Variants in KCNH7 observed in about 807,000 individuals in gnomAD.
KCNH7 encodes voltage-gated inwardly rectifying potassium channel KCNH7.
KCNH7 carries 49 observed loss-of-function variants against 120.8 expected under a neutral mutation model. The observed-to-expected ratio is 0.41, with a 90% CI of 0.32 to 0.51. The LOEUF (loss-of-function observed/expected upper bound fraction) is 0.51, where lower values mean the gene tolerates loss of function less well. Ranked by LOEUF, KCNH7 falls within the 20% of genes least tolerant of loss-of-function variation. The pLI is 0.38. For synonymous variants in KCNH7, 547 were observed against 516.1 expected, an observed-to-expected ratio of 1.06 and a Z score of -0.81; for missense variants, 1,097 against 1,446.6, an observed-to-expected ratio of 0.76 and a Z score of 3.92.
chr2:162,378,022 C>T (rs1407809084), intron 14 of KCNH7, among the ~76,000 whole-genome samples: 1 of 152,090 alleles, frequency 6.6e-6, no homozygotes, highest in African/African-American at 2.4e-5. Context: ...ACAGAGCAAC[C>T]AGGTGATGCT....
At chr2:162,728,505 G>A (rs1023762066) in intron 2 of KCNH7, among the ~76,000 whole-genome samples, 13 of 152,098 alleles carry the variant, frequency 8.5e-5, no homozygotes, top group East Asian at 1.9e-4. Context: ...GAGGCCAGGC[G>A]CGGTGGCTCA....
At chr2:162,785,431 G>A (rs1385374426) in intron 2 of KCNH7, among the ~76,000 whole-genome samples, 1 of 152,122 alleles carries the variant, frequency 6.6e-6, no homozygotes, top group Non-Finnish European at 1.5e-5. Flanking sequence ...TTCTTGCTAA[G>A]TATTAGTGTT....
intron 2 of KCNH7, among the ~76,000 whole-genome samples, chr2:162,776,627 G>A (rs1376176102): frequency 6.6e-6 from 1 of 152,112 alleles, no homozygotes; most frequent in Non-Finnish European, 1.5e-5. Context: ...TTCAGATCAT[G>A]TAGTCTCTAA....
chr2:162,530,619 G>T (rs1691889219), intron 3 of KCNH7, among the ~76,000 whole-genome samples: 1 of 151,990 alleles, frequency 6.6e-6, no homozygotes, highest in Non-Finnish European at 1.5e-5. Context: ...CATTTCAAGT[G>T]ATACAAAAGC....
At chr2:162,792,684 CTTT>C (rs1247267665) in intron 2 of KCNH7, among the ~76,000 whole-genome samples, 12 of 138,446 alleles carry the variant, frequency 8.7e-5, no homozygotes, top group Middle Eastern at 4.2e-3. Flanking sequence ...CTCTTTTCTT[CTTT>C]ATTAGTCTAA....
chr2:162,838,501 C>T lies in KCNH7; in HGVS notation c.18G>A (p.Gly6=), dbSNP rs1685739364. The change falls in exon 1 of 16, where the codon GGG becomes GGA. Residue 6 remains glycine, a synonymous_variant. Transcript: ENST00000332142. MPVRR[G]HVAPQNTFLG... The stretch of plus-strand genomic sequence containing the variant: ...GAAATGTATTTTGTGGTGCCACATG[C>T]CCCCTGCGCACAGGCATGTTGGCCC... The T allele has an allele frequency of 1.9e-6, 3 of 1,613,004 alleles. No individual in the cohort carries two copies. Among genetic ancestry groups the T allele is most frequent in the East Asian group, 2.2e-5 (1 of 44,856 alleles).
At chr2:162,797,218 A>G (rs966058697) in intron 2 of KCNH7, 6 of 152,072 alleles carry the variant, frequency 3.9e-5, no homozygotes, top group African/African-American at 1.2e-4. Flanking sequence ...TCTTCTCAAC[A>G]TGATGCTCTG....
At chr2:162,668,202 C>G (rs974930950) in intron 2 of KCNH7, among the ~76,000 whole-genome samples, 1 of 152,146 alleles carries the variant, frequency 6.6e-6, no homozygotes, top group Non-Finnish European at 1.5e-5. Context: ...TAACTATTAT[C>G]TGAACTTGAC....
At chr2:162,829,878 C>T (rs1258853314) in intron 2 of KCNH7, among the ~76,000 whole-genome samples, 3 of 143,184 alleles carry the variant, frequency 2.1e-5, no homozygotes, top group African/African-American at 7.6e-5. Context: ...CTGCATGGTA[C>T]CATTTTTCAT....
At chr2:162,671,213 C>T (rs1685340823) in intron 2 of KCNH7, among the ~76,000 whole-genome samples, 1 of 151,954 alleles carries the variant, frequency 6.6e-6, no homozygotes. Flanking sequence ...GGATATCTAT[C>T]CAAAAGGAAA....
chr2:162,374,177 G>T (rs1686076351), intron 14 of KCNH7, among the ~76,000 whole-genome samples: 1 of 151,926 alleles, frequency 6.6e-6, no homozygotes, highest in African/African-American at 2.4e-5. Flanking sequence ...ATTATTCATT[G>T]TATTCTTTCT....
intron 6 of KCNH7, among the ~76,000 whole-genome samples, chr2:162,463,785 TAA>T (rs66479312): frequency 8.1e-6 from 1 of 123,702 alleles, no homozygotes; most frequent in African/African-American, 2.8e-5. Context: ...GTTCAAATAA[TAA>T]AAAAAAACAA....
rs1490796149 is a variant in KCNH7, at chr2:162,436,316, A to G, written c.1555-719T>C. Among the ~76,000 whole-genome samples the G allele has an allele frequency of 1.3e-5, 2 of 152,140 alleles. 1 individual carries two copies. The highest frequency in any genetic ancestry group is 2.9e-5 in the Non-Finnish European group (2 of 68,024). ...CACTTATTGGATGATTGCATGCATG[A>G]ATTAGGCACTACATTTAAATGCATT... On this transcript the variant is annotated intron_variant, in intron 7 of 15. Coordinates refer to ENST00000332142, the MANE Select transcript of KCNH7 (RefSeq NM_033272.4).
intron 2 of KCNH7, among the ~76,000 whole-genome samples, chr2:162,697,765 C>T (rs1045678270): frequency 1.3e-5 from 2 of 151,940 alleles, no homozygotes; most frequent in African/African-American, 2.4e-5. Flanking sequence ...ATAATAATAA[C>T]AATCAGATTA....
Position 162,371,650 on chromosome 2 carries a change from A to G in KCNH7, c.*179T>C. The G allele has an allele frequency of 1.3e-6, 1 of 779,800 alleles. No individual in the cohort carries two copies. Among genetic ancestry groups the G allele is most frequent in the Non-Finnish European group, 1.9e-6 (1 of 517,578 alleles). The allele number at this position is 779,800 out of a possible 1,614,324, so 48.3% of individuals were successfully genotyped here. On this transcript the variant is annotated 3_prime_UTR_variant, in exon 16 of 16. Transcript: ENST00000332142. ...TTTGGAACCAAAAGTTCTTATGTAT[A>G]TTTACATCCTAACTGCTCAGTTTTA...
At chr2:162,838,312 T>C (rs1685731909) in intron 1 of KCNH7, 131 bp downstream of exon 1, 3 of 681,352 alleles carry the variant, frequency 4.4e-6, no homozygotes, top group Middle Eastern at 3.5e-4. Context: ...TCGAACCTCC[T>C]GGCTCGGTTT....
intron 2 of KCNH7, among the ~76,000 whole-genome samples, chr2:162,759,624 A>G (rs1462393490): frequency 6.6e-6 from 1 of 151,928 alleles, no homozygotes; most frequent in African/African-American, 2.4e-5. Flanking sequence ...AGGTGTGATT[A>G]GATTGAGGAC....
At position 162,838,498 on chromosome 2, in the gene KCNH7, A is replaced by G. The variant is rs755146014; in HGVS notation, c.21T>C (p.His7=). 2 of 1,613,262 alleles carry G rather than the reference A, an allele frequency of 1.2e-6. No homozygotes were observed. Among genetic ancestry groups the G allele is most frequent in the African/African-American group, 2.7e-5 (2 of 74,918 alleles). Residue 7 remains histidine (H), a synonymous_variant, in exon 1 of 16, where the codon CAT becomes CAC. Transcript: ENST00000332142. MPVRRG[H]VAPQNTFLGT... ...CCAGAAATGTATTTTGTGGTGCCACATGCCCCCTGCGCACAGGCATGTTGG... is the reference window on the plus strand; with the variant it reads ...CCAGAAATGTATTTTGTGGTGCCACGTGCCCCCTGCGCACAGGCATGTTGG...
intron 2 of KCNH7, among the ~76,000 whole-genome samples, chr2:162,834,520 C>A (rs1408522179): frequency 6.6e-6 from 1 of 151,940 alleles, no homozygotes; most frequent in Non-Finnish European, 1.5e-5. Flanking sequence ...TTTCTTTATA[C>A]CCAAACAATC....
Sources: gnomAD v4.1 joint callset for allele counts (sites outside exome capture counted in the v4.1 genomes callset) on GRCh38, gnomAD v4.1.1 for gene constraint, MANE v1.5 for transcripts, NCBI Gene and HGNC (gene_info 2026-07-23, HGNC 2026-07-21) for gene names.